The following RMDN1 variants were observed in gnomAD, a reference collection of about 807,000 sequenced individuals.
The protein encoded by RMDN1 is regulator of microtubule dynamics protein 1.
In RMDN1, 48 loss-of-function variants were observed where a neutral mutation model predicts 48.9. That is an observed-to-expected ratio of 0.98 (90% confidence interval 0.78 to 1.25). The LOEUF (loss-of-function observed/expected upper bound fraction) is 1.25, where lower values mean the gene tolerates loss of function less well. Ranked by LOEUF, RMDN1 falls within the 50% of genes most tolerant of loss-of-function variation. The probability of loss-of-function intolerance (pLI) is 0.00; values close to 1 mark genes in which losing one functional copy is unlikely to be tolerated. For missense variants in RMDN1, 418 were observed against 373.4 expected, an observed-to-expected ratio of 1.12 and a Z score of -0.98; for synonymous variants, 148 against 132.6, an observed-to-expected ratio of 1.12 and a Z score of -0.80.
chr8:86,504,857 A>C, intron 2 of RMDN1: 1 of 1,074,122 alleles, frequency 9.3e-7, no homozygotes, highest in Non-Finnish European at 1.4e-6. Context: ...CTTATTATTT[A>C]GGAGCCTGTA....
intron 5 of RMDN1, among the ~76,000 whole-genome samples, chr8:86,481,534 G>C (rs1814430889): frequency 1.3e-5 from 2 of 150,660 alleles, no homozygotes; most frequent in African/African-American, 4.9e-5. Flanking sequence ...TGGATGCCTG[G>C]GGGGATCAGG....
intron 5 of RMDN1, among the ~76,000 whole-genome samples, chr8:86,484,179 C>G (rs373403482): frequency 6.6e-6 from 1 of 152,128 alleles, no homozygotes; most frequent in Admixed American, 6.5e-5. Flanking sequence ...GAACTTTGTA[C>G]ATTGGATCTT....
At chr8:86,476,509 C>T (rs1392798245) in intron 8 of RMDN1, among the ~76,000 whole-genome samples, 1 of 152,138 alleles carries the variant, frequency 6.6e-6, no homozygotes, top group Non-Finnish European at 1.5e-5. Context: ...GCTTATGTCT[C>T]TTATCTCCCC....
At chr8:86,497,017 A>C (rs146175904) in intron 2 of RMDN1, among the ~76,000 whole-genome samples, 1 of 152,232 alleles carries the variant, frequency 6.6e-6, no homozygotes, top group South Asian at 2.1e-4. Flanking sequence ...CATGGAAATT[A>C]AACAATTTGC....
chr8:86,503,540 C>G (rs1055502347), intron 2 of RMDN1: 2 of 294,690 alleles, frequency 6.8e-6, no homozygotes, highest in African/African-American at 4.4e-5. Flanking sequence ...ACTCCTAGAT[C>G]TTTATTGAAG....
chr8:86,504,770 C>A (rs894550678), intron 2 of RMDN1: 2 of 1,045,560 alleles, frequency 1.9e-6, no homozygotes, highest in African/African-American at 1.6e-5. Context: ...AGGGCCCCCG[C>A]CCAGCTGCGA....
chr8:86,478,681 G>A (rs1203896702), intron 7 of RMDN1: 1 of 463,342 alleles, frequency 2.2e-6, no homozygotes, highest in Non-Finnish European at 3.8e-6. Flanking sequence ...GTAGATTTTA[G>A]CCACGAGCCA....
chr8:86,503,376 A>C (rs545726371), intron 2 of RMDN1, among the ~76,000 whole-genome samples: 889 of 73,006 alleles, frequency 0.012, 39 homozygotes, highest in South Asian at 0.036. Flanking sequence ...CAAAACAAAA[A>C]AAAAAAAAAA....
intron 4 of RMDN1, among the ~76,000 whole-genome samples, 191 bp from the exon 5 acceptor site, chr8:86,485,152 T>C (rs921742577): frequency 2.0e-5 from 3 of 152,134 alleles, no homozygotes; most frequent in Non-Finnish European, 2.9e-5. Flanking sequence ...GGAATAGGGT[T>C]GGGCGCAGTG....
downstream of RMDN1, chr8:86,470,342 C>T (rs1268515518): frequency 2.3e-6 from 3 of 1,289,214 alleles, no homozygotes; most frequent in Admixed American, 2.3e-5. Context: ...GGGGTTTGTT[C>T]TCAGTAATGG....
chr8:86,480,422 A>T (rs1244149541), intron 5 of RMDN1, 90 bp from the exon 6 acceptor site: 5 of 649,394 alleles, frequency 7.7e-6, no homozygotes, highest in East Asian at 2.9e-5. Flanking sequence ...ATGATTTTTT[A>T]AAAAATGCAA....
chr8:86,509,413 T>C (rs1011013918), upstream of RMDN1, among the ~76,000 whole-genome samples: 3 of 152,104 alleles, frequency 2.0e-5, no homozygotes, highest in African/African-American at 7.2e-5. Flanking sequence ...AATTCTTTTG[T>C]GGGAAAATGA....
At chr8:86,469,937 G>T (rs1812401313), downstream of RMDN1, among the ~76,000 whole-genome samples, 2 of 152,168 alleles carry the variant, frequency 1.3e-5, no homozygotes, top group South Asian at 2.1e-4. Context: ...AATTGGTGGG[G>T]TTGTCTTTAA....
At chr8:86,510,552 A>T (rs942290030), upstream of RMDN1, among the ~76,000 whole-genome samples, 1 of 152,192 alleles carries the variant, frequency 6.6e-6, no homozygotes, top group African/African-American at 2.4e-5. Flanking sequence ...TGGGCTGAAG[A>T]ACTCCTTCAG....
chr8:86,510,726 A>T (rs938083523), upstream of RMDN1, among the ~76,000 whole-genome samples: 2 of 152,252 alleles, frequency 1.3e-5, no homozygotes, highest in African/African-American at 2.4e-5. Flanking sequence ...ACTAAATTTG[A>T]TGTAATCTGT....
Position 86,473,136 on chromosome 8 carries a change from CACT to C in RMDN1, c.*1169_*1171del. The C allele has an allele frequency of 4.1e-6, 4 of 985,274 alleles. No individual in the cohort carries two copies. Among genetic ancestry groups the C allele is most frequent in the Non-Finnish European group, 4.8e-6 (4 of 829,840 alleles). The allele number at this position is 985,274 out of a possible 1,614,324, so 61.0% of individuals were successfully genotyped here. A position where few individuals can be genotyped will look rare whatever the true frequency, so the allele number is the denominator to read the frequency against. ...ATCTAAGAGATGGGTATACAAAGAT[CACT>C]ACTTTCAGTTTTCCTTTTTGTTTGA... On this transcript the variant is annotated 3_prime_UTR_variant, in exon 10 of 10. Coordinates refer to ENST00000406452, the MANE Select transcript of RMDN1 (RefSeq NM_016033.3).
downstream of RMDN1, among the ~76,000 whole-genome samples, chr8:86,469,256 G>C (rs1159613618): frequency 6.6e-6 from 1 of 151,198 alleles, no homozygotes; most frequent in Non-Finnish European, 1.5e-5. Flanking sequence ...GATGACTTCT[G>C]TTAACTACCT....
At chr8:86,491,101 T>C (rs1816419416) in intron 2 of RMDN1, among the ~76,000 whole-genome samples, 1 of 151,798 alleles carries the variant, frequency 6.6e-6, no homozygotes, top group Non-Finnish European at 1.5e-5. Flanking sequence ...CTATAAGCTA[T>C]AATATAATGG....
chr8:86,503,617 TAC>T (rs1818774586), intron 2 of RMDN1: 1 of 492,986 alleles, frequency 2.0e-6, no homozygotes, highest in South Asian at 1.6e-5. Flanking sequence ...TCGTTGCCAT[TAC>T]AGTTGCTACA....
Sources: allele counts gnomAD v4.1 joint callset (sites outside exome capture counted in the v4.1 genomes callset), GRCh38; gene constraint gnomAD v4.1.1; transcripts MANE v1.5; gene names NCBI Gene and HGNC (gene_info 2026-07-23, HGNC 2026-07-21).